Variants in LRP1B observed in about 807,000 individuals in gnomAD.
LRP1B encodes the protein low-density lipoprotein receptor-related protein 1B.
Under a neutral mutation model 556.6 loss-of-function variants are expected in LRP1B, and 217 were observed. That is an observed-to-expected ratio of 0.39 (90% confidence interval 0.35 to 0.44). LRP1B has a LOEUF of 0.44. LRP1B is among the 20% of genes least tolerant of loss of function. The pLI is 1.00. For missense variants in LRP1B, 5,053 were observed against 5,620.8 expected (o/e 0.90, Z 3.23); for synonymous variants, 2,047 against 1,865.8 (o/e 1.10, Z -2.50).
intron 2 of LRP1B, among the ~76,000 whole-genome samples, chr2:141,668,719 A>G (rs1010911611): frequency 6.6e-6 from 1 of 152,174 alleles, no homozygotes; most frequent in Non-Finnish European, 1.5e-5. Flanking sequence ...TGGAAGATGG[A>G]CAAGGTCAGG....
chr2:141,784,207 C>T (rs1695352836), intron 2 of LRP1B, among the ~76,000 whole-genome samples: 1 of 151,732 alleles, frequency 6.6e-6, no homozygotes, highest in Admixed American at 6.6e-5. Flanking sequence ...CCTTTTTTCC[C>T]CCAAAGTGGA....
chr2:141,812,980 T>A (rs374883269), intron 1 of LRP1B, among the ~76,000 whole-genome samples: 2 of 152,078 alleles, frequency 1.3e-5, no homozygotes, highest in East Asian at 3.9e-4. Context: ...TCTGTGAGCC[T>A]GCTCATGGTG....
chr2:141,755,923 A>G (rs1273236476), intron 2 of LRP1B, among the ~76,000 whole-genome samples: 1 of 152,024 alleles, frequency 6.6e-6, no homozygotes, highest in Non-Finnish European at 1.5e-5. Context: ...TACAGCATAT[A>G]CTCTACCATT....
chr2:142,030,252 A>G lies in LRP1B; in HGVS notation c.82+100396T>C, dbSNP rs565768629. Among the ~76,000 whole-genome samples the G allele has an allele frequency of 2.6e-5, 4 of 152,044 alleles. No homozygotes were observed. The East Asian group carries it at 5.8e-4, about 22-fold the overall frequency. On this transcript the variant is annotated intron_variant, in intron 1 of 90. Transcript: ENST00000389484. ...TATGCTTCTCATCAAAGTTATGAAG[A>G]AGGCTATAAAAGGATGAGTCATTAA...
In LRP1B at chr2:141,013,709, C is replaced by A. The variant is rs758661846; in HGVS notation, c.2227G>T (p.Gly743Ter). 6.3e-7 allele frequency: 1 copy of A among 1,595,760 alleles called. No homozygotes were observed. The highest frequency in any genetic ancestry group is 8.5e-7 in the Non-Finnish European group (1 of 1,171,796). Residue 743 changes from glycine to a stop codon, truncating the protein, a stop_gained, in exon 14 of 91, where the codon GGA (glycine) becomes TGA (stop). Coordinates refer to ENST00000389484, the MANE Select transcript of LRP1B (RefSeq NM_018557.3). LOFTEE classifies it high-confidence loss of function. ...YSGRELNHPF[G>*]LSHHGNYVFW... ...ACATAATTTCCATGATGCGACAGTC[C>A]GAAAGGGTGGTTCAACTCTCTCCCA...
intron 7 of LRP1B, among the ~76,000 whole-genome samples, chr2:141,135,394 T>C (rs1341833165): frequency 1.3e-5 from 2 of 152,096 alleles, no homozygotes; most frequent in East Asian, 1.9e-4. Context: ...GCATTTTATA[T>C]ATAATTCCTA....
chr2:141,927,611 A>G (rs947087876), intron 1 of LRP1B, among the ~76,000 whole-genome samples: 1 of 151,794 alleles, frequency 6.6e-6, no homozygotes, highest in Non-Finnish European at 1.5e-5. Context: ...CCATTTTTCT[A>G]TGCTATCTTT....
At chr2:141,321,093 A>C (rs1687219640) in intron 3 of LRP1B, among the ~76,000 whole-genome samples, 1 of 152,154 alleles carries the variant, frequency 6.6e-6, no homozygotes. Context: ...TTAAACAGCC[A>C]TGTAACATGA....
chr2:141,617,055 A>G (rs1000164884), intron 2 of LRP1B, among the ~76,000 whole-genome samples: 2 of 152,168 alleles, frequency 1.3e-5, no homozygotes, highest in African/African-American at 2.4e-5. Context: ...AGTTAGTATT[A>G]TTCAGTCCCT....
intron 3 of LRP1B, among the ~76,000 whole-genome samples, chr2:141,297,296 T>A (rs1012865521): frequency 2.6e-5 from 4 of 152,078 alleles, no homozygotes; most frequent in Non-Finnish European, 4.4e-5. Flanking sequence ...TACTAAAAAG[T>A]CAAAAACTAA....
In LRP1B at chr2:141,856,318, G is replaced by A. The variant is rs1223347919; in HGVS notation, c.83-45917C>T. Among the ~76,000 whole-genome samples, 3 of 152,208 alleles carry A rather than the reference G, an allele frequency of 2.0e-5. No homozygotes were observed. The East Asian group carries it at 5.8e-4, about 29-fold the overall frequency. Reference sequence around the variant, plus strand: ...AATTCTATAGTCTAAGCGTTTTAAAGTATAGCTGGAAGGGATCTCAAAAGG... The same window carrying A: ...AATTCTATAGTCTAAGCGTTTTAAAATATAGCTGGAAGGGATCTCAAAAGG... On this transcript the variant is annotated intron_variant, in intron 1 of 90. Coordinates refer to ENST00000389484, the MANE Select transcript of LRP1B (RefSeq NM_018557.3).
Position 140,536,491 on chromosome 2 carries a change from C to A in LRP1B, c.7642+90G>T, listed in dbSNP as rs1448501682. 2.5e-6 allele frequency: 3 copies of A among 1,211,478 alleles called. 1 individual carries two copies. The African/African-American group carries it at 4.8e-5, about 19-fold the overall frequency. 75.0% of individuals were successfully genotyped at this position (1,211,478 alleles called of 1,614,324 possible). A position where few individuals can be genotyped will look rare whatever the true frequency, so the allele number is the denominator to read the frequency against. ...AATGAGAGACATTAAATAAATTATC[C>A]ACGTAAACCACACCGAGACAAGCAA... On this transcript the variant is annotated intron_variant, in intron 46 of 90. Transcript: ENST00000389484.
At chr2:141,599,260 A>C (rs1029923319) in intron 2 of LRP1B, among the ~76,000 whole-genome samples, 1 of 151,998 alleles carries the variant, frequency 6.6e-6, no homozygotes, top group Non-Finnish European at 1.5e-5. Flanking sequence ...GGTAGTGCTC[A>C]TGAAAAAAAA....
At chr2:141,491,656 G>A (rs1426845832) in intron 2 of LRP1B, among the ~76,000 whole-genome samples, 1 of 152,062 alleles carries the variant, frequency 6.6e-6, no homozygotes, top group Non-Finnish European at 1.5e-5. Context: ...AACTCTCAGA[G>A]GAAAGGGGTC....
intron 5 of LRP1B, among the ~76,000 whole-genome samples, chr2:141,246,767 C>T (rs1684083068): frequency 6.6e-6 from 1 of 152,108 alleles, no homozygotes; most frequent in East Asian, 1.9e-4. Context: ...GAGTTTGAGA[C>T]CAGCCTGGCC....
chr2:141,220,203 C>G (rs1353024961), intron 6 of LRP1B, among the ~76,000 whole-genome samples: 3 of 152,024 alleles, frequency 2.0e-5, no homozygotes, highest in African/African-American at 4.8e-5. Context: ...AGATGTTAAC[C>G]AGAATAACCA....
intron 3 of LRP1B, among the ~76,000 whole-genome samples, chr2:141,473,237 ACAT>A (rs1369998289): frequency 3.3e-5 from 5 of 152,232 alleles, no homozygotes; most frequent in African/African-American, 1.2e-4. Flanking sequence ...ATACATACAT[ACAT>A]ATGTGCAAAT....
At chr2:141,303,936 T>C (rs1288211945) in intron 3 of LRP1B, among the ~76,000 whole-genome samples, 1 of 152,192 alleles carries the variant, frequency 6.6e-6, no homozygotes, top group African/African-American at 2.4e-5. Context: ...ATTATTTGTC[T>C]TTTTAATAAT....
At chr2:141,119,084 G>C (rs1365818491) in intron 7 of LRP1B, among the ~76,000 whole-genome samples, 2 of 151,912 alleles carry the variant, frequency 1.3e-5, no homozygotes, top group African/African-American at 2.4e-5. Flanking sequence ...AACTTGATGA[G>C]TTAATTTTGT....
Sources: gnomAD v4.1 joint callset for allele counts (sites outside exome capture counted in the v4.1 genomes callset) on GRCh38, gnomAD v4.1.1 for gene constraint, MANE v1.5 for transcripts, NCBI Gene and HGNC (gene_info 2026-07-23, HGNC 2026-07-21) for gene names.